Variants in ARHGAP42 observed in about 807,000 individuals in gnomAD.
ARHGAP42 encodes rho GTPase-activating protein 42.
ARHGAP42 carries 63 observed loss-of-function variants against 125.0 expected under a neutral mutation model. The observed-to-expected ratio is 0.50, with a 90% CI of 0.41 to 0.62. ARHGAP42 has a LOEUF of 0.62. Among genes scored for constraint, ARHGAP42 ranks in the 20% least tolerant of loss-of-function variants. The pLI is 0.00. For synonymous variants in ARHGAP42, 339 were observed against 351.0 expected (o/e 0.97, Z 0.38); for missense variants, 766 against 1,024.2 (o/e 0.75, Z 3.44).
At chr11:100,919,072 G>A (rs536618873) in intron 5 of ARHGAP42, among the ~76,000 whole-genome samples, 2 of 152,234 alleles carry the variant, frequency 1.3e-5, no homozygotes, top group African/African-American at 4.8e-5. Context: ...AATTCTGGGG[G>A]AAACCAGGTG....
At chr11:100,760,468 G>A (rs951648434) in intron 1 of ARHGAP42, among the ~76,000 whole-genome samples, 1 of 152,164 alleles carries the variant, frequency 6.6e-6, no homozygotes, top group African/African-American at 2.4e-5. Flanking sequence ...GGAGGCCAAG[G>A]TGGGAGGATC....
intron 1 of ARHGAP42, among the ~76,000 whole-genome samples, chr11:100,728,378 G>C (rs1861897683): frequency 6.6e-6 from 1 of 152,092 alleles, no homozygotes; most frequent in Non-Finnish European, 1.5e-5. Flanking sequence ...AGTTTAGCCA[G>C]GGGCTTACTG....
chr11:100,842,764 G>A (rs2135114616), intron 3 of ARHGAP42, among the ~76,000 whole-genome samples: 1 of 152,186 alleles, frequency 6.6e-6, no homozygotes, highest in African/African-American at 2.4e-5. Flanking sequence ...AAAATTGTTT[G>A]AACTGAACAA....
chr11:100,974,522 C>T lies in ARHGAP42; in HGVS notation c.1774C>T (p.Arg592Ter). Residue 592 changes from arginine (R) to a stop codon, truncating the protein, a stop_gained, in exon 19 of 24, where the codon CGA (arginine) becomes TGA (stop). Transcript: ENST00000298815. LOFTEE classifies it high-confidence loss of function. The part of the protein sequence containing the change: ...LPQPQSRSGS[R>*]RTRAICLSTG... Reference sequence around the variant, plus strand: ...TCAGCCTCAGTCTCGATCTGGATCCCGAAGGACACGAGCAATCTGCCTCTC... The same window carrying T: ...TCAGCCTCAGTCTCGATCTGGATCCTGAAGGACACGAGCAATCTGCCTCTC... 3 of 1,550,864 alleles carry T rather than the reference C, an allele frequency of 1.9e-6. No homozygotes were observed. The highest frequency in any genetic ancestry group is 2.6e-6 in the Non-Finnish European group (3 of 1,146,698).
intron 1 of ARHGAP42, among the ~76,000 whole-genome samples, chr11:100,741,338 T>G (rs1862181995): frequency 6.6e-6 from 1 of 151,810 alleles, no homozygotes; most frequent in African/African-American, 2.4e-5. Flanking sequence ...GCCGAAGAAA[T>G]CTTATTCTTA....
intron 1 of ARHGAP42, among the ~76,000 whole-genome samples, chr11:100,728,848 A>C (rs1039743679): frequency 7.3e-5 from 11 of 150,250 alleles, no homozygotes; most frequent in African/African-American, 2.7e-4. Context: ...GGTTCACTAC[A>C]ACCTCCACCT....
intron 17 of ARHGAP42, among the ~76,000 whole-genome samples, chr11:100,967,543 ATAT>A (rs1361822223): frequency 6.6e-6 from 1 of 152,174 alleles, no homozygotes; most frequent in Non-Finnish European, 1.5e-5. Flanking sequence ...TAATTCAATA[ATAT>A]TCAGGTGACC....
intron 3 of ARHGAP42, among the ~76,000 whole-genome samples, chr11:100,853,037 T>C (rs1865241521): frequency 1.3e-5 from 2 of 152,212 alleles, no homozygotes; most frequent in African/African-American, 4.8e-5. Flanking sequence ...AATGACATAA[T>C]TTAAATATCT....
chr11:100,777,563 T>C (rs1259694257), intron 2 of ARHGAP42, among the ~76,000 whole-genome samples: 5 of 152,196 alleles, frequency 3.3e-5, no homozygotes, highest in South Asian at 2.1e-4. Context: ...GAAATAGGAA[T>C]ATAGTCTAGG....
At chr11:100,917,015 TTGTGTGTG>T (rs6144479) in intron 5 of ARHGAP42, among the ~76,000 whole-genome samples, 94,005 of 149,540 alleles carry the variant, frequency 0.63, 29,680 homozygotes, top group African/African-American at 0.68. Context: ...TAAAATAAGT[TTGTGTGTG>T]TGTGTGTGTG....
At chr11:100,720,420 A>T (rs1230137883) in intron 1 of ARHGAP42, among the ~76,000 whole-genome samples, 1 of 152,192 alleles carries the variant, frequency 6.6e-6, no homozygotes, top group Non-Finnish European at 1.5e-5. Context: ...GAATATAATT[A>T]TTTCTGTCCT....
chr11:100,880,941 A>AT (rs113532356), intron 4 of ARHGAP42, among the ~76,000 whole-genome samples: 155 of 107,730 alleles, frequency 1.4e-3, no homozygotes, highest in Non-Finnish European at 3.0e-3. Flanking sequence ...TTTTGATAGG[A>AT]TTTTTTTTTT....
intron 4 of ARHGAP42, among the ~76,000 whole-genome samples, chr11:100,898,313 G>A (rs1393737995): frequency 2.0e-5 from 3 of 152,010 alleles, no homozygotes; most frequent in Admixed American, 6.6e-5. Context: ...TTTTTTTGTT[G>A]TGTCTCTGCC....
At chr11:100,794,404 C>T (rs1056930367) in intron 2 of ARHGAP42, among the ~76,000 whole-genome samples, 9 of 152,078 alleles carry the variant, frequency 5.9e-5, no homozygotes, top group African/African-American at 1.9e-4. Context: ...AATATAGGTA[C>T]AGATAGTTTT....
intron 22 of ARHGAP42, chr11:100,986,361 G>A: frequency 3.7e-6 from 1 of 272,166 alleles, no homozygotes; most frequent in South Asian, 3.6e-5. Context: ...AGGTGGGAAT[G>A]AATTTGGCAT....
At chr11:100,766,326 C>A (rs1862828459) in intron 1 of ARHGAP42, among the ~76,000 whole-genome samples, 1 of 151,938 alleles carries the variant, frequency 6.6e-6, no homozygotes, top group Non-Finnish European at 1.5e-5. Context: ...GGGAGAGACA[C>A]CCCTGTCTAA....
At chr11:100,908,110 A>C (rs1866797268) in intron 4 of ARHGAP42, among the ~76,000 whole-genome samples, 1 of 152,236 alleles carries the variant, frequency 6.6e-6, no homozygotes, top group Admixed American at 6.5e-5. Flanking sequence ...CTTATTTTTA[A>C]AAACTTCTAG....
chr11:100,977,030 T>A, intron 21 of ARHGAP42, 59 bp downstream of exon 21: 1 of 1,534,700 alleles, frequency 6.5e-7, no homozygotes. Context: ...GAGTTGAGTG[T>A]TTCAGAAGAA....
At chr11:100,976,583 C>T (rs1858397488) in intron 20 of ARHGAP42, 146 bp downstream of exon 20, 1 of 1,250,326 alleles carries the variant, frequency 8.0e-7, no homozygotes, top group Non-Finnish European at 1.1e-6. Flanking sequence ...GATTTTACAA[C>T]CTAGGCACTG....
Sources: gnomAD v4.1 joint callset for allele counts (sites outside exome capture counted in the v4.1 genomes callset) on GRCh38, gnomAD v4.1.1 for gene constraint, MANE v1.5 for transcripts, NCBI Gene and HGNC (gene_info 2026-07-23, HGNC 2026-07-21) for gene names.